Variants in NFIB observed in about 807,000 individuals in gnomAD.
NFIB encodes the protein nuclear factor 1 B-type.
NFIB carries 11 observed loss-of-function variants against 61.5 expected under a neutral mutation model. The observed-to-expected ratio is 0.18, with a 90% confidence interval of 0.11 to 0.30. The LOEUF (loss-of-function observed/expected upper bound fraction) is 0.30, where lower values mean the gene tolerates loss of function less well. Ranked by LOEUF, NFIB falls within the 10% of genes least tolerant of loss-of-function variation. NFIB has a pLI of 1.00. For synonymous variants in NFIB, 260 were observed against 216.5 expected (o/e 1.20, Z -1.76); for missense variants, 471 against 608.9 (o/e 0.77, Z 2.38).
chr9:14,418,399 T>C, the NFIB span, among the ~76,000 whole-genome samples: 1 of 152,182 alleles, frequency 6.6e-6, no homozygotes, highest in South Asian at 2.1e-4. Flanking sequence ...TTCTGGCACA[T>C]ACCACTGTTA....
chr9:14,420,154 C>T, the NFIB span, among the ~76,000 whole-genome samples: 51 of 152,048 alleles, frequency 3.4e-4, 1 homozygote, highest in East Asian at 8.7e-3. Flanking sequence ...TCAACAATGA[C>T]GTTATTAAAG....
intron 8 of NFIB, among the ~76,000 whole-genome samples, chr9:14,119,113 T>C (rs934992564): frequency 2.6e-5 from 4 of 152,152 alleles, no homozygotes; most frequent in African/African-American, 9.6e-5. Context: ...ATGGAAATTC[T>C]ACACAAATTA....
chr9:14,173,060 A>G (rs1019602010), intron 3 of NFIB, among the ~76,000 whole-genome samples: 1 of 152,198 alleles, frequency 6.6e-6, no homozygotes, highest in Non-Finnish European at 1.5e-5. Context: ...ACACATTTCT[A>G]TTTGATTCCA....
the NFIB span, among the ~76,000 whole-genome samples, chr9:14,446,100 C>G: frequency 6.6e-6 from 1 of 152,204 alleles, no homozygotes; most frequent in Non-Finnish European, 1.5e-5. Flanking sequence ...TGCTTTCAGA[C>G]TGATGCTCAC....
At chr9:14,447,114 C>T in the NFIB span, among the ~76,000 whole-genome samples, 1 of 152,048 alleles carries the variant, frequency 6.6e-6, no homozygotes, top group Admixed American at 6.5e-5. Context: ...CAATGTAGTT[C>T]TTTGAAAGTC....
chr9:14,124,803 T>A (rs191439160), intron 7 of NFIB, among the ~76,000 whole-genome samples: 278 of 152,266 alleles, frequency 1.8e-3, no homozygotes, highest in African/African-American at 6.0e-3. Context: ...AATTAAGACA[T>A]CAGACACAAT....
chr9:14,348,775 C>T (rs117233030), intron 1 of NFIB, among the ~76,000 whole-genome samples: 3,933 of 152,342 alleles, frequency 0.026, 88 homozygotes, highest in South Asian at 0.12. Flanking sequence ...CCTCTGCTCG[C>T]TCTTTGAAAA....
chr9:14,372,489 A>G (rs1035231216), intron 1 of NFIB, among the ~76,000 whole-genome samples: 1 of 152,298 alleles, frequency 6.6e-6, no homozygotes, highest in South Asian at 2.1e-4. Flanking sequence ...AAGCACTTTG[A>G]TGTTCTTTTT....
intron 10 of NFIB, among the ~76,000 whole-genome samples, chr9:14,111,672 GA>G (rs909431196): frequency 5.3e-5 from 8 of 151,576 alleles, no homozygotes; most frequent in South Asian, 2.1e-4. Flanking sequence ...TTTTAGAGGT[GA>G]AAAAAAAGCA....
At chr9:14,468,255 A>G in the NFIB span, among the ~76,000 whole-genome samples, 1 of 152,244 alleles carries the variant, frequency 6.6e-6, no homozygotes, top group African/African-American at 2.4e-5. Context: ...TAGAGCTTTC[A>G]AGGACTTATC....
Position 14,120,313 on chromosome 9 carries a change from C to T in NFIB, c.1245+127G>A. 1 of 1,046,206 alleles carries T rather than the reference C, an allele frequency of 9.6e-7. No individual in the cohort carries two copies. Among genetic ancestry groups the T allele is most frequent in the South Asian group, 1.3e-5 (1 of 74,302 alleles). 64.8% of individuals were successfully genotyped at this position (1,046,206 alleles called of 1,614,324 possible). A position where few individuals can be genotyped will look rare whatever the true frequency, so the allele number is the denominator to read the frequency against. Reference sequence around the variant, plus strand: ...AAAAACTTATTGAGTCACCAAGCAACTTCCTGAAGATGGATTTCAAGGCTT... The same window carrying T: ...AAAAACTTATTGAGTCACCAAGCAATTTCCTGAAGATGGATTTCAAGGCTT... On this transcript the variant is annotated intron_variant, in intron 8 of 10. Transcript: ENST00000380953. The surrounding 1 kb of genome is among the most constrained non-coding windows in gnomAD (Gnocchi z 4.4).
chr9:14,480,385 A>G, the NFIB span, among the ~76,000 whole-genome samples: 1 of 152,198 alleles, frequency 6.6e-6, no homozygotes, highest in East Asian at 1.9e-4. Context: ...CATCAGACCC[A>G]CATATTCAGA....
At chr9:14,495,502 G>A in the NFIB span, among the ~76,000 whole-genome samples, 3 of 130,124 alleles carry the variant, frequency 2.3e-5, no homozygotes, top group Non-Finnish European at 4.6e-5. Flanking sequence ...TTTAACTGCT[G>A]GACTATGTGG....
intron 2 of NFIB, among the ~76,000 whole-genome samples, chr9:14,274,134 A>G (rs929080559): frequency 6.6e-6 from 1 of 152,074 alleles, no homozygotes; most frequent in African/African-American, 2.4e-5. Flanking sequence ...GTGAAAAATG[A>G]CAGATGCAAA....
chr9:14,506,173 A>T, the NFIB span, among the ~76,000 whole-genome samples: 1 of 152,230 alleles, frequency 6.6e-6, no homozygotes, highest in Admixed American at 6.5e-5. Context: ...ACAAAGTATG[A>T]ATACACCCAA....
chr9:14,374,958 CAAA>C (rs1194427130), intron 1 of NFIB, among the ~76,000 whole-genome samples: 1 of 151,900 alleles, frequency 6.6e-6, no homozygotes, highest in Non-Finnish European at 1.5e-5. Flanking sequence ...AAAAACAAAA[CAAA>C]AAGCAGGCAT....
chr9:14,267,023 G>A (rs2057258805), intron 2 of NFIB, among the ~76,000 whole-genome samples: 1 of 152,142 alleles, frequency 6.6e-6, no homozygotes, highest in Non-Finnish European at 1.5e-5. Context: ...ATTTTGGGCT[G>A]TGAGCTTTCT....
intron 2 of NFIB, among the ~76,000 whole-genome samples, chr9:14,193,211 T>C (rs572512306): frequency 1.3e-5 from 2 of 151,836 alleles, no homozygotes; most frequent in South Asian, 4.2e-4. Context: ...TACCCATCCA[T>C]CCAAGTTTAC....
the NFIB span, among the ~76,000 whole-genome samples, chr9:14,530,764 AC>A: frequency 6.6e-6 from 1 of 152,044 alleles, no homozygotes; most frequent in Non-Finnish European, 1.5e-5. Flanking sequence ...GGCTGGCCAT[AC>A]CCCTCCCCAC....
Sources: allele counts gnomAD v4.1 joint callset (sites outside exome capture counted in the v4.1 genomes callset), GRCh38; gene constraint gnomAD v4.1.1; non-coding constraint Gnocchi (gnomAD v3.1); transcripts MANE v1.5; gene names NCBI Gene and HGNC (gene_info 2026-07-23, HGNC 2026-07-21).